Variants in POU1F1 observed in about 807,000 individuals in gnomAD.
POU1F1 encodes the protein pituitary-specific positive transcription factor 1.
Under a neutral mutation model 32.3 loss-of-function variants are expected in POU1F1, and 23 were observed. That is an observed-to-expected ratio of 0.71 (90% confidence interval 0.51 to 1.01). The LOEUF is 1.01. Among genes scored for constraint, POU1F1 ranks in the 50% least tolerant of loss-of-function variants. POU1F1 has a pLI of 0.00. For missense variants in POU1F1, 323 were observed against 341.6 expected (o/e 0.95, Z 0.43); for synonymous variants, 120 against 115.6 (o/e 1.04, Z -0.25).
chr3:87,261,130 C>T (rs1706507075), intron 5 of POU1F1, 143 bp downstream of exon 5: 1 of 610,348 alleles, frequency 1.6e-6, no homozygotes, highest in Non-Finnish European at 2.9e-6. Context: ...AGACTGGTCT[C>T]GAGCTCCTGA....
At chr3:87,261,846 T>G (rs1706519736) in intron 4 of POU1F1, among the ~76,000 whole-genome samples, 2 of 152,216 alleles carry the variant, frequency 1.3e-5, no homozygotes, top group Non-Finnish European at 2.9e-5. Context: ...AAGCTTTCCT[T>G]ATATAGGTTA....
Position 87,259,627 on chromosome 3 carries a change from G to GT in POU1F1, c.*266_*267insA. The GT allele has an allele frequency of 7.7e-5, 32 of 416,788 alleles. No individual in the cohort carries two copies. The highest frequency in any genetic ancestry group is 3.4e-4 in the South Asian group (14 of 40,724). 25.8% of individuals were successfully genotyped at this position (416,788 alleles called of 1,614,324 possible). On this transcript the variant is annotated 3_prime_UTR_variant, in exon 6 of 6. Transcript: ENST00000350375. ...TCTGCGTGTGTGTGAGAAAGAGAGC[G>GT]GGAGAGACAGAGAGATCATTTTATT...
chr3:87,261,900 C>CT (rs1196677695), intron 4 of POU1F1, among the ~76,000 whole-genome samples, 171 bp downstream of exon 4: 1 of 152,024 alleles, frequency 6.6e-6, no homozygotes, highest in African/African-American at 2.4e-5. Flanking sequence ...ATTGCCCTTC[C>CT]TTTTTTGTTG....
At chr3:87,276,280 T>C (rs1706823381) in intron 1 of POU1F1, 41 bp downstream of exon 1, 1 of 1,599,572 alleles carries the variant, frequency 6.3e-7, no homozygotes, top group Admixed American at 1.7e-5. Context: ...TTCTGAAATA[T>C]TTAGGCCCGG....
chr3:87,269,438 C>T (rs1338936929), intron 2 of POU1F1, among the ~76,000 whole-genome samples: 1 of 151,944 alleles, frequency 6.6e-6, no homozygotes, highest in Non-Finnish European at 1.5e-5. Flanking sequence ...AGACCTTTCA[C>T]GATGTGGAAG....
intron 2 of POU1F1, among the ~76,000 whole-genome samples, chr3:87,270,424 T>G (rs1706702847): frequency 6.6e-6 from 1 of 152,178 alleles, no homozygotes; most frequent in Non-Finnish European, 1.5e-5. Context: ...TACAGTGGAT[T>G]CATCTGATCA....
rs369089154 is a variant in POU1F1, at chr3:87,276,504, C to T, written c.-42G>A. 2.3e-5 allele frequency: 37 copies of T among 1,603,770 alleles called. No individual in the cohort carries two copies. The highest frequency in any genetic ancestry group is 2.9e-5 in the Non-Finnish European group (34 of 1,173,854). On this transcript the variant is annotated 5_prime_UTR_variant, in exon 1 of 6. Transcript: ENST00000350375. Reference sequence around the variant, plus strand: ...AAAAATAAGGAGAACCGCTGCTCCCCAAATCAGAGTTTTATTATATTACTG... The same window carrying T: ...AAAAATAAGGAGAACCGCTGCTCCCTAAATCAGAGTTTTATTATATTACTG...
chr3:87,271,808 A>T (rs1394309352), intron 2 of POU1F1, among the ~76,000 whole-genome samples: 1 of 152,134 alleles, frequency 6.6e-6, no homozygotes, highest in Non-Finnish European at 1.5e-5. Flanking sequence ...CTTAATTTTT[A>T]AAAAAAGACG....
chr3:87,262,320 T>G, intron 3 of POU1F1, 85 bp from the exon 4 acceptor site: 2 of 1,432,978 alleles, frequency 1.4e-6, no homozygotes, highest in East Asian at 2.3e-5. Context: ...CTGTGTATCT[T>G]TGTCAACTAT....
chr3:87,273,252 T>C, intron 2 of POU1F1, 95 bp downstream of exon 2: 1 of 1,318,458 alleles, frequency 7.6e-7, no homozygotes. Flanking sequence ...AGAAATCAAA[T>C]TTCATGTCAC....
At chr3:87,267,398 C>T (rs565032658) in intron 2 of POU1F1, among the ~76,000 whole-genome samples, 2 of 152,282 alleles carry the variant, frequency 1.3e-5, no homozygotes, top group East Asian at 3.9e-4. Context: ...ATAAGCATTG[C>T]AGTAAGCCAC....
At chr3:87,272,914 T>C (rs557654080) in intron 2 of POU1F1, among the ~76,000 whole-genome samples, 2 of 152,300 alleles carry the variant, frequency 1.3e-5, no homozygotes, top group East Asian at 1.9e-4. Context: ...CATGTGGTTA[T>C]AGAGCACTTG....
intron 3 of POU1F1, 87 bp downstream of exon 3, chr3:87,264,201 T>C: frequency 1.9e-6 from 2 of 1,045,544 alleles, no homozygotes; most frequent in Non-Finnish European, 1.5e-6. Flanking sequence ...AATCATCTTG[T>C]ACTTTTTAGC....
chr3:87,274,532 A>G (rs1706792540), intron 1 of POU1F1, among the ~76,000 whole-genome samples: 1 of 151,658 alleles, frequency 6.6e-6, no homozygotes, highest in Non-Finnish European at 1.5e-5. Flanking sequence ...TAAAATAGAG[A>G]AAAATCTTTA....
Position 87,261,930 on chromosome 3 carries a change from A to G in POU1F1, c.604+141T>C, listed in dbSNP as rs547412366. 37 of 1,000,236 alleles carry G rather than the reference A, an allele frequency of 3.7e-5. No homozygotes were observed. In the East Asian group the frequency reaches 8.8e-4, roughly 24 times the overall value. The allele number at this position is 1,000,236 out of a possible 1,614,324, so 62.0% of individuals were successfully genotyped here. ...TTGTTGTTTGTTTTAGTGTGATATA[A>G]CAAAATGTTTATTTTTCATCTCAAA... On this transcript the variant is annotated intron_variant, in intron 4 of 5. Transcript: ENST00000350375.
chr3:87,275,220 G>A (rs1018660212), intron 1 of POU1F1, among the ~76,000 whole-genome samples: 11 of 151,788 alleles, frequency 7.2e-5, no homozygotes, highest in African/African-American at 1.7e-4. Context: ...AATCTTTGGC[G>A]GATTCCTGAA....
At chr3:87,267,013 ATTTAACATAT>A (rs1228551599) in intron 2 of POU1F1, among the ~76,000 whole-genome samples, 1 of 152,152 alleles carries the variant, frequency 6.6e-6, no homozygotes, top group African/African-American at 2.4e-5. Context: ...GATTTTGTAC[ATTTAACATAT>A]TTTAAGACAC....
intron 2 of POU1F1, among the ~76,000 whole-genome samples, chr3:87,273,126 C>A (rs1427368025): frequency 6.6e-6 from 1 of 151,934 alleles, no homozygotes; most frequent in Non-Finnish European, 1.5e-5. Context: ...ACTCAAGAAG[C>A]ACAGCAGTTC....
intron 4 of POU1F1, 56 bp from the exon 5 acceptor site, chr3:87,261,389 AC>A (rs1199035603): frequency 5.3e-6 from 7 of 1,324,886 alleles, no homozygotes; most frequent in South Asian, 1.3e-5. Flanking sequence ...TTTATAAAAA[AC>A]GATCTGATTT....
Sources: allele counts gnomAD v4.1 joint callset (sites outside exome capture counted in the v4.1 genomes callset), GRCh38; gene constraint gnomAD v4.1.1; transcripts MANE v1.5; gene names NCBI Gene and HGNC (gene_info 2026-07-23, HGNC 2026-07-21).